XDH: variants seen among roughly 807,000 people sequenced by gnomAD.
The protein encoded by XDH is xanthine dehydrogenase/oxidase.
A neutral mutation model predicts 156.1 loss-of-function variants in XDH; 138 were observed. The observed-to-expected ratio is 0.88, with a 90% CI of 0.77 to 1.02. The LOEUF is 1.02. Ranked by LOEUF, XDH falls within the 50% of genes least tolerant of loss-of-function variation. The pLI is 0.00. For synonymous variants in XDH, 669 were observed against 625.7 expected, an observed-to-expected ratio of 1.07 and a Z score of -1.03; for missense variants, 1,849 against 1,684.9, an observed-to-expected ratio of 1.10 and a Z score of -1.71.
chr2:31,345,710 T>G (rs1685266497), intron 30 of XDH, among the ~76,000 whole-genome samples: 1 of 152,094 alleles, frequency 6.6e-6, no homozygotes, highest in Admixed American at 6.6e-5. Flanking sequence ...CATGCTTGTG[T>G]GCGTTTGTGT....
intron 24 of XDH, among the ~76,000 whole-genome samples, chr2:31,351,788 T>C (rs1423964966): frequency 2.0e-5 from 3 of 152,240 alleles, no homozygotes; most frequent in Non-Finnish European, 4.4e-5. Context: ...AATTTGGAAG[T>C]AGGCTTTCCA....
intron 6 of XDH, among the ~76,000 whole-genome samples, chr2:31,392,833 T>C (rs968790926): frequency 2.0e-5 from 3 of 152,246 alleles, no homozygotes; most frequent in African/African-American, 7.2e-5. Flanking sequence ...GTATTTTCAA[T>C]TTCATTTAAT....
chr2:31,390,848 G>C (rs1686741947), intron 6 of XDH, among the ~76,000 whole-genome samples: 1 of 152,106 alleles, frequency 6.6e-6, no homozygotes, highest in South Asian at 2.1e-4. Context: ...TTTTAATTTA[G>C]TTGTTCATTG....
rs1686091560 is a variant in XDH, at chr2:31,372,217, G to C, written c.1856+11C>G. 5 of 1,614,186 alleles carry C rather than the reference G, an allele frequency of 3.1e-6. No homozygotes were observed. Among genetic ancestry groups the C allele is most frequent in the Non-Finnish European group, 3.4e-6 (4 of 1,180,014 alleles). On this transcript the variant is annotated intron_variant, in intron 17 of 35. Coordinates refer to ENST00000379416, the MANE Select transcript of XDH (RefSeq NM_000379.4). ...AGCATTCCACCAGCTCCTCCTGGCG[G>C]TGTCACTCACTTGATCTTGGCGTGG...
At chr2:31,342,326 A>G (rs368353275) in intron 31 of XDH, 29 bp from the exon 32 acceptor site, 38 of 1,572,784 alleles carry the variant, frequency 2.4e-5, no homozygotes, top group Non-Finnish European at 3.2e-5. Flanking sequence ...GGTACTGCAC[A>G]TGTATTAACA....
chr2:31,404,133 A>G (rs1339862061), intron 2 of XDH, among the ~76,000 whole-genome samples: 1 of 152,190 alleles, frequency 6.6e-6, no homozygotes, highest in Admixed American at 6.5e-5. Context: ...ACACAAGATG[A>G]CACAGGAACA....
rs924485423 is a variant in XDH, at chr2:31,366,939, A to G, written c.2253T>C (p.Ile751=). Residue 751 remains isoleucine (I), a synonymous_variant, in exon 21 of 36, where the codon ATT becomes ATC. Coordinates refer to ENST00000379416, the MANE Select transcript of XDH (RefSeq NM_000379.4). Reference sequence around the variant, plus strand: ...CCCCTGCCTCGCCTTTTGGAACAGCAATGGTGCAGTGAGTCTCCAGGTAGA... The same window carrying G: ...CCCCTGCCTCGCCTTTTGGAACAGCGATGGTGCAGTGAGTCTCCAGGTAGA... The part of the protein sequence containing the change: ...EHFYLETHCT[I]AVPKGEAGEM... 6 of 1,614,252 alleles carry G rather than the reference A, an allele frequency of 3.7e-6. No individual in the cohort carries two copies. The highest frequency in any genetic ancestry group is 5.1e-6 in the Non-Finnish European group (6 of 1,180,040).
chr2:31,349,999 A>AC (rs1250110900), intron 25 of XDH, 33 bp downstream of exon 25: 9 of 1,612,772 alleles, frequency 5.6e-6, no homozygotes, highest in Non-Finnish European at 7.6e-6. Flanking sequence ...AGTCTAAAGC[A>AC]CTCTGACTTG....
intron 24 of XDH, among the ~76,000 whole-genome samples, chr2:31,351,953 T>A (rs1442516073): frequency 6.6e-6 from 1 of 152,236 alleles, no homozygotes; most frequent in Admixed American, 6.5e-5. Flanking sequence ...CTAAATTTCA[T>A]AACATTATAA....
In XDH at chr2:31,357,457, C is replaced by T. The variant is rs996506156; in HGVS notation, c.2631+6701G>A. On this transcript the variant is annotated intron_variant, in intron 24 of 35. Transcript: ENST00000379416. ...AAGAGAAATAAGAACACACTATGAACGATTCTACACACATGAATTTTTTAA... is the reference window on the plus strand; with the variant it reads ...AAGAGAAATAAGAACACACTATGAATGATTCTACACACATGAATTTTTTAA... Among the ~76,000 whole-genome samples, 10 of 151,870 alleles carry T rather than the reference C, an allele frequency of 6.6e-5. No homozygotes were observed. In the South Asian group the frequency reaches 1.0e-3, roughly 16 times the overall value.
At chr2:31,412,888 T>C (rs1424748510) in intron 1 of XDH, among the ~76,000 whole-genome samples, 4 of 152,228 alleles carry the variant, frequency 2.6e-5, no homozygotes, top group African/African-American at 9.6e-5. Flanking sequence ...CAAACATGGA[T>C]ATTCATCACA....
At chr2:31,395,443 A>G (rs973591080) in intron 6 of XDH, among the ~76,000 whole-genome samples, 18 of 152,180 alleles carry the variant, frequency 1.2e-4, no homozygotes, top group African/African-American at 4.1e-4. Flanking sequence ...TCTTCTGAGG[A>G]CAGGCCTTTT....
At chr2:31,398,536 C>T (rs1558313671) in intron 5 of XDH, 37 bp downstream of exon 5, 4 of 1,612,716 alleles carry the variant, frequency 2.5e-6, no homozygotes, top group Non-Finnish European at 3.4e-6. Flanking sequence ...GCCTCGTTTG[C>T]CATTCCACCT....
Position 31,383,761 on chromosome 2 carries a change from G to T in XDH, c.880C>A (p.Pro294Thr), listed in dbSNP as rs1408082938. The T allele has an allele frequency of 6.2e-7, 1 of 1,613,882 alleles. No individual in the cohort carries two copies. Among genetic ancestry groups the T allele is most frequent in the African/African-American group, 1.3e-5 (1 of 75,046 alleles). Residue 294 changes from proline (P) to threonine (T), a missense_variant, in exon 10 of 36, where the codon CCC becomes ACC. Transcript: ENST00000379416. ...IPELNSVEHG[P>T]DGISFGAACP... ...GGAGTGAACCTCCTCTTACCGTCGG[G>T]TCCATGTTCTACCGAATTCAGCTCA...
chr2:31,369,974 T>C (rs767451669), intron 18 of XDH, among the ~76,000 whole-genome samples: 1 of 152,260 alleles, frequency 6.6e-6, no homozygotes, highest in African/African-American at 2.4e-5. Context: ...TAAACTTTCA[T>C]GTAAGTGAAT....
intron 17 of XDH, among the ~76,000 whole-genome samples, chr2:31,371,125 G>A (rs1273873722): frequency 6.6e-6 from 1 of 152,160 alleles, no homozygotes; most frequent in Non-Finnish European, 1.5e-5. Flanking sequence ...TAGGCAACAC[G>A]AACCGCAAAG....
Position 31,336,339 on chromosome 2 carries a change from T to C in XDH, c.3952-331A>G, listed in dbSNP as rs180951653. 3.2e-3 allele frequency among the ~76,000 whole-genome samples: 484 copies of C among 152,362 alleles called. 5 individuals are homozygous for C. The highest frequency in any genetic ancestry group is 0.031 in the Middle Eastern group (9 of 294). ...CATGCAAATCCATGGCAAGAATTTT[T>C]AAATCGCTGGTATGTTGTAACATAG... On this transcript the variant is annotated intron_variant, in intron 35 of 35. Transcript: ENST00000379416.
Position 31,367,982 on chromosome 2 carries a change from C to G in XDH, c.2176G>C (p.Glu726Gln), listed in dbSNP as rs61731083. Reference protein sequence around the residue: ...EKGDLKKGFSEADNVVSGEIY... With the variant: ...EKGDLKKGFSQADNVVSGEIY... ...CTACCTGACACAACATTATCTGCTTCGGAAAACCCCTTCTTTAGGTCCCCT... is the reference window on the plus strand; with the variant it reads ...CTACCTGACACAACATTATCTGCTTGGGAAAACCCCTTCTTTAGGTCCCCT... Residue 726 changes from glutamate (E) to glutamine (Q), a missense_variant, in exon 20 of 36, where the codon GAA (glutamate) becomes CAA (glutamine). Coordinates refer to ENST00000379416, the MANE Select transcript of XDH (RefSeq NM_000379.4). 2.5e-6 allele frequency: 4 copies of G among 1,614,166 alleles called. No individual in the cohort carries two copies. In the South Asian group the frequency reaches 4.4e-5, roughly 18 times the overall value.
chr2:31,374,135 T>C (rs922214775), intron 15 of XDH, among the ~76,000 whole-genome samples, 179 bp from the exon 16 acceptor site: 3 of 152,192 alleles, frequency 2.0e-5, no homozygotes, highest in Admixed American at 6.5e-5. Flanking sequence ...GCTCAGAATT[T>C]AAGAGCAGCC....
Sources: gnomAD v4.1 joint callset for allele counts (sites outside exome capture counted in the v4.1 genomes callset) on GRCh38, gnomAD v4.1.1 for gene constraint, MANE v1.5 for transcripts, NCBI Gene and HGNC (gene_info 2026-07-23, HGNC 2026-07-21) for gene names.